The following FBXO21 variants were observed in gnomAD, a reference collection of about 807,000 sequenced individuals.
FBXO21 encodes the protein F-box protein 21.
FBXO21 carries 32 observed loss-of-function variants against 76.6 expected under a neutral mutation model. That is an observed-to-expected ratio of 0.42 (90% confidence interval 0.32 to 0.56). FBXO21 has a LOEUF of 0.56. Ranked by LOEUF, FBXO21 falls within the 20% of genes least tolerant of loss-of-function variation. The pLI is 0.16. For missense variants in FBXO21, 586 were observed against 797.3 expected (o/e 0.73, Z 3.19); for synonymous variants, 328 against 311.5 (o/e 1.05, Z -0.56).
intron 11 of FBXO21, among the ~76,000 whole-genome samples, chr12:117,146,995 C>T (rs1354736130): frequency 6.6e-6 from 1 of 152,118 alleles, no homozygotes; most frequent in Non-Finnish European, 1.5e-5. Flanking sequence ...GTAATCCCAG[C>T]ACTTTGGGAG....
intron 10 of FBXO21, 26 bp from the exon 11 acceptor site, chr12:117,155,974 G>A (rs1565996976): frequency 6.2e-7 from 1 of 1,610,882 alleles, no homozygotes; most frequent in East Asian, 2.2e-5. Flanking sequence ...GGAGCAGTCA[G>A]TCCCTGCAGA....
In FBXO21 at chr12:117,146,079, T is replaced by C. The variant is rs1488846530; in HGVS notation, c.*8A>G. 1 of 1,581,610 alleles carries C rather than the reference T, an allele frequency of 6.3e-7. No homozygotes were observed. The highest frequency in any genetic ancestry group is 1.8e-5 in the Admixed American group (1 of 54,714). On this transcript the variant is annotated 3_prime_UTR_variant, in exon 12 of 12. Coordinates refer to ENST00000622495, the MANE Select transcript of FBXO21 (RefSeq NM_015002.3). ...GCAGCAGCAAAGGTGCAATGTCCTC[T>C]CTAGACTTTACTCATCTATGTTCTC... is the stretch of plus-strand genomic sequence containing the variant.
intron 8 of FBXO21, 125 bp from the exon 9 acceptor site, chr12:117,165,742 C>A: frequency 2.2e-6 from 2 of 910,620 alleles, no homozygotes; most frequent in East Asian, 5.0e-5. Context: ...TCTGGTATTT[C>A]TTCTCAGCTC....
intron 11 of FBXO21, among the ~76,000 whole-genome samples, chr12:117,154,592 G>GT (rs1955888690): frequency 6.6e-6 from 1 of 152,094 alleles, no homozygotes; most frequent in Admixed American, 6.5e-5. Context: ...TTGCTGTGTT[G>GT]TAGCTGGGAA....
At chr12:117,158,196 G>A (rs759598545) in intron 9 of FBXO21, 133 bp from the exon 10 acceptor site, 33 of 979,528 alleles carry the variant, frequency 3.4e-5, no homozygotes, top group African/African-American at 2.1e-4. Context: ...TGCCCTGATC[G>A]AACCGGTCCA....
chr12:117,167,827 G>A (rs1417821442), intron 7 of FBXO21, among the ~76,000 whole-genome samples: 2 of 152,116 alleles, frequency 1.3e-5, no homozygotes, highest in Non-Finnish European at 2.9e-5. Flanking sequence ...GGTGGTCAGA[G>A]ACCTGCTGAG....
chr12:117,165,624 G>T lies in FBXO21; in HGVS notation c.1194-7C>A, dbSNP rs750053041. 6.3e-7 allele frequency: 1 copy of T among 1,595,632 alleles called. No homozygotes were observed. Among genetic ancestry groups the T allele is most frequent in the African/African-American group, 1.3e-5 (1 of 74,594 alleles). ...TGACTGGTCGATGCCTTCCCTAGCA[G>T]AGGAAAAACAATGTTTGTCTCATCC... On this transcript the variant is annotated splice_region_variant and splice_polypyrimidine_tract_variant and intron_variant, in intron 8 of 11. Transcript: ENST00000622495.
At chr12:117,165,416 C>A in intron 9 of FBXO21, 69 bp downstream of exon 9, 4 of 1,456,860 alleles carry the variant, frequency 2.7e-6, no homozygotes, top group South Asian at 1.4e-5. Flanking sequence ...ATAAGCTTGT[C>A]ACGGGCACCC....
intron 7 of FBXO21, among the ~76,000 whole-genome samples, 181 bp downstream of exon 7, chr12:117,172,290 A>G (rs1411226998): frequency 6.6e-6 from 1 of 152,186 alleles, no homozygotes; most frequent in African/African-American, 2.4e-5. Flanking sequence ...CTGTTATAGT[A>G]TAATAACACA....
chr12:117,182,589 G>A (rs1208722248), intron 3 of FBXO21, among the ~76,000 whole-genome samples: 2 of 33,464 alleles, frequency 6.0e-5, no homozygotes, highest in South Asian at 1.1e-3. Flanking sequence ...TTTTTTTTTG[G>A]ACCGAGTCTG....
chr12:117,163,420 C>G (rs1037466989), intron 9 of FBXO21, among the ~76,000 whole-genome samples: 27 of 152,028 alleles, frequency 1.8e-4, no homozygotes, highest in African/African-American at 6.3e-4. Flanking sequence ...GTAATCCCAG[C>G]CACTTGGGAG....
At chr12:117,170,145 GAA>G (rs58416861) in intron 7 of FBXO21, among the ~76,000 whole-genome samples, 67 of 64,672 alleles carry the variant, frequency 1.0e-3, no homozygotes, top group African/African-American at 3.4e-3. Flanking sequence ...ATTTACAACT[GAA>G]AAAAAAAAAA....
rs1448571943 is a variant in FBXO21, at chr12:117,142,752, G to A, written c.*3335C>T. 6.6e-6 allele frequency: 1 copy of A among 151,070 alleles called. No individual in the cohort carries two copies. Among genetic ancestry groups the A allele is most frequent in the Non-Finnish European group, 1.5e-5 (1 of 67,900 alleles). The allele number at this position is 151,070 out of a possible 1,614,324, so 9.4% of individuals were successfully genotyped here. On this transcript the variant is annotated 3_prime_UTR_variant, in exon 12 of 12. Transcript: ENST00000622495. ...GATCATCATGGACAGATACTTTTCA[G>A]TTAAAAAGTTGCTGGTAGTCTGAGT...
rs149035350 is a variant in FBXO21 at position 117,173,826 on chromosome 12, C to T, written c.876+379G>A. 2.0e-4 allele frequency among the ~76,000 whole-genome samples: 30 copies of T among 152,228 alleles called. No individual in the cohort carries two copies. The East Asian group carries it at 4.3e-3, about 22-fold the overall frequency. ...CATAGTACTGACCTTCAAGAATGTA[C>T]GGTCCATCAGAGAGAAGCTTAAAAA... is the stretch of plus-strand genomic sequence containing the variant. On this transcript the variant is annotated intron_variant, in intron 6 of 11. Coordinates refer to ENST00000622495, the MANE Select transcript of FBXO21 (RefSeq NM_015002.3).
At chr12:117,184,886 A>G (rs1956268037) in intron 3 of FBXO21, among the ~76,000 whole-genome samples, 1 of 152,254 alleles carries the variant, frequency 6.6e-6, no homozygotes, top group Non-Finnish European at 1.5e-5. Context: ...AAAACAATAT[A>G]GAAAAGTACC....
At chr12:117,159,370 G>T (rs529375749) in intron 9 of FBXO21, among the ~76,000 whole-genome samples, 15 of 152,114 alleles carry the variant, frequency 9.9e-5, no homozygotes, top group Non-Finnish European at 1.9e-4. Context: ...GCTTAGTGAA[G>T]TGACTTTCCC....
chr12:117,174,271 G>A lies in FBXO21; in HGVS notation c.810C>T (p.Tyr270=), dbSNP rs35474924. 233 of 1,613,368 alleles carry A rather than the reference G, an allele frequency of 1.4e-4. 1 individual carries two copies. The highest frequency in any genetic ancestry group is 3.3e-4 in the Middle Eastern group (2 of 6,062). ...QVLDAMNYVL[Y]DQLKFKGNRM... The stretch of plus-strand genomic sequence containing the variant: ...GATTCCCCTTGAACTTCAGTTGGTC[G>A]TAAAGGACATAGTTCATGGCATCCA... The change falls in exon 6 of 12, where the codon TAC becomes TAT. Residue 270 remains tyrosine, a synonymous_variant. Coordinates refer to ENST00000622495, the MANE Select transcript of FBXO21 (RefSeq NM_015002.3).
At chr12:117,158,204 C>T in intron 9 of FBXO21, 141 bp from the exon 10 acceptor site, 2 of 893,826 alleles carry the variant, frequency 2.2e-6, no homozygotes, top group Admixed American at 4.7e-5. Context: ...TCGAACCGGT[C>T]CAGGTCTCTG....
In FBXO21 at chr12:117,190,375, T is replaced by C; in HGVS notation, c.82A>G (p.Ser28Gly). The C allele has an allele frequency of 2.0e-6, 3 of 1,516,144 alleles. No homozygotes were observed. Among genetic ancestry groups the C allele is most frequent in the Middle Eastern group, 1.7e-4 (1 of 5,730 alleles). The allele number at this position is 1,516,144 out of a possible 1,614,324, so 93.9% of individuals were successfully genotyped here. Residue 28 changes from serine (S) to glycine (G), a missense_variant, in exon 1 of 12, where the codon AGC (serine) becomes GGC (glycine). Ser to Gly is a moderately conservative substitution (Grantham distance 56, BLOSUM62 0). Transcript: ENST00000622495. ...TCACCCGGCAGGTTGACGAGGCAGCTGAGGCCCGCTACCTCCGGCGCGGCC... is the reference window on the plus strand; with the variant it reads ...TCACCCGGCAGGTTGACGAGGCAGCCGAGGCCCGCTACCTCCGGCGCGGCC... ...EEAAPEVAGLSCLVNLPGEVL... is the reference protein window; with the variant it reads ...EEAAPEVAGLGCLVNLPGEVL...
Sources: gnomAD v4.1 joint callset for allele counts (sites outside exome capture counted in the v4.1 genomes callset) on GRCh38, gnomAD v4.1.1 for gene constraint, MANE v1.5 for transcripts, NCBI Gene and HGNC (gene_info 2026-07-23, HGNC 2026-07-21) for gene names.